The following FHIT variants were observed in gnomAD, a reference collection of about 807,000 sequenced individuals.
FHIT encodes fragile histidine triad diadenosine triphosphatase.
FHIT carries 19 observed loss-of-function variants against 17.9 expected under a neutral mutation model. That is an observed-to-expected ratio of 1.06 (90% CI 0.74 to 1.56). The LOEUF is 1.56. FHIT is among the 40% of genes most tolerant of loss of function. The pLI, the probability that FHIT is intolerant of heterozygous loss-of-function variation, is 0.00. For missense variants in FHIT, 248 were observed against 189.2 expected, an observed-to-expected ratio of 1.31 and a Z score of -1.82; for synonymous variants, 81 against 69.7, an observed-to-expected ratio of 1.16 and a Z score of -0.81.
intron 1 of FHIT, among the ~76,000 whole-genome samples, chr3:61,227,342 G>A (rs894854553): frequency 6.6e-6 from 1 of 152,018 alleles, no homozygotes; most frequent in Admixed American, 6.6e-5. Context: ...GTCCTATCTT[G>A]CCACATAAGG....
chr3:60,319,122 G>A (rs946730851), intron 5 of FHIT, among the ~76,000 whole-genome samples: 2 of 152,156 alleles, frequency 1.3e-5, no homozygotes, highest in Admixed American at 6.5e-5. Context: ...GATCACATCT[G>A]CAAAGTCCCT....
chr3:61,200,173 C>A (rs1240787750), intron 2 of FHIT, among the ~76,000 whole-genome samples: 1 of 152,162 alleles, frequency 6.6e-6, no homozygotes, highest in Non-Finnish European at 1.5e-5. Context: ...AAAACTGGCT[C>A]TTCCATGCAA....
chr3:61,205,078 G>A (rs931927088), intron 1 of FHIT, among the ~76,000 whole-genome samples: 1 of 150,542 alleles, frequency 6.6e-6, no homozygotes. Context: ...GCTGTTTGGT[G>A]TTTTGTCCTT....
At chr3:60,436,876 A>G (rs2030309660) in intron 5 of FHIT, among the ~76,000 whole-genome samples, 1 of 152,146 alleles carries the variant, frequency 6.6e-6, no homozygotes, top group Non-Finnish European at 1.5e-5. Context: ...AATGTCTAGG[A>G]AAAACATTAT....
chr3:61,136,416 G>T (rs2036917584), intron 2 of FHIT, among the ~76,000 whole-genome samples: 1 of 152,150 alleles, frequency 6.6e-6, no homozygotes, highest in South Asian at 2.1e-4. Flanking sequence ...TCATCAAACA[G>T]CTTTCGGGGT....
chr3:61,191,584 G>T (rs2038718234), intron 2 of FHIT, among the ~76,000 whole-genome samples: 1 of 152,160 alleles, frequency 6.6e-6, no homozygotes, highest in African/African-American at 2.4e-5. Flanking sequence ...ATAAGCCCCA[G>T]TTTTATTAGG....
intron 5 of FHIT, among the ~76,000 whole-genome samples, chr3:60,031,235 G>C (rs1046074606): frequency 2.0e-5 from 3 of 152,210 alleles, no homozygotes; most frequent in Non-Finnish European, 4.4e-5. Context: ...TGATCTTATT[G>C]ACAGGGATAG....
At chr3:59,927,741 C>G (rs1343553197) in intron 7 of FHIT, among the ~76,000 whole-genome samples, 1 of 152,034 alleles carries the variant, frequency 6.6e-6, no homozygotes, top group African/African-American at 2.4e-5. Context: ...TGCACTCCAG[C>G]CTGGGTGACA....
At chr3:60,079,968 A>C (rs1011815496) in intron 5 of FHIT, among the ~76,000 whole-genome samples, 1 of 152,170 alleles carries the variant, frequency 6.6e-6, no homozygotes, top group Non-Finnish European at 1.5e-5. Context: ...TATGTTGTAA[A>C]TATTATAAAC....
intron 7 of FHIT, among the ~76,000 whole-genome samples, chr3:59,930,249 G>C (rs1048119765): frequency 6.6e-6 from 1 of 152,180 alleles, no homozygotes; most frequent in Non-Finnish European, 1.5e-5. Flanking sequence ...GGGCCAGTCA[G>C]ATGCAAGTCA....
chr3:60,230,298 A>C (rs1402433123), intron 5 of FHIT, among the ~76,000 whole-genome samples: 1 of 152,190 alleles, frequency 6.6e-6, no homozygotes, highest in African/African-American at 2.4e-5. Flanking sequence ...TTCACAGTCA[A>C]ATAATAAGAG....
intron 5 of FHIT, among the ~76,000 whole-genome samples, chr3:60,118,515 T>C (rs938141481): frequency 1.3e-5 from 2 of 152,034 alleles, no homozygotes; most frequent in African/African-American, 4.8e-5. Context: ...TGACTGACAG[T>C]AGGGAGGCAT....
chr3:60,096,302 G>T (rs996079050), intron 5 of FHIT, among the ~76,000 whole-genome samples: 1 of 152,178 alleles, frequency 6.6e-6, no homozygotes, highest in African/African-American at 2.4e-5. Context: ...CCTATCTGAA[G>T]GCAGGAAAGT....
chr3:59,914,619 A>G (rs868861052), intron 8 of FHIT, among the ~76,000 whole-genome samples: 3 of 152,192 alleles, frequency 2.0e-5, no homozygotes, highest in Non-Finnish European at 4.4e-5. Flanking sequence ...ATTAATTTTT[A>G]TCTTCTGTTT....
intron 7 of FHIT, among the ~76,000 whole-genome samples, chr3:59,966,862 T>G (rs1036730327): frequency 6.6e-6 from 1 of 152,148 alleles, no homozygotes; most frequent in Admixed American, 6.6e-5. Context: ...TCTTCTAAAT[T>G]TATGTAATAA....
chr3:61,096,431 C>T (rs1057149519), intron 2 of FHIT, among the ~76,000 whole-genome samples: 45 of 152,178 alleles, frequency 3.0e-4, no homozygotes, highest in African/African-American at 1.0e-3. Context: ...TGATAAGAGT[C>T]CTGGGACACA....
At chr3:60,085,182 T>A (rs1703444426) in intron 5 of FHIT, among the ~76,000 whole-genome samples, 2 of 152,124 alleles carry the variant, frequency 1.3e-5, no homozygotes. Context: ...ATGTATTAAC[T>A]CAAGGGATGA....
rs1255041751 is a variant in FHIT at position 60,199,789 on chromosome 3, A to G, written c.104-185637T>C. 5.9e-5 allele frequency among the ~76,000 whole-genome samples: 9 copies of G among 152,184 alleles called. 1 individual carries two copies. The highest frequency in any genetic ancestry group is 5.9e-4 in the Admixed American group (9 of 15,274). On this transcript the variant is annotated intron_variant, in intron 5 of 9. Transcript: ENST00000492590. ...CTCAAGGATAAAGAAGAAACCTATG[A>G]GAACTCTGAGTAGGTAACCTACAAT...
intron 3 of FHIT, among the ~76,000 whole-genome samples, chr3:60,942,209 T>A (rs563115448): frequency 2.6e-5 from 4 of 152,226 alleles, no homozygotes; most frequent in African/African-American, 9.6e-5. Context: ...AAGTAGTTAT[T>A]TTTTTTACTG....
Sources: allele counts gnomAD v4.1 joint callset (sites outside exome capture counted in the v4.1 genomes callset), GRCh38; gene constraint gnomAD v4.1.1; transcripts MANE v1.5; gene names NCBI Gene and HGNC (gene_info 2026-07-23, HGNC 2026-07-21).